WWOX: variants seen among roughly 807,000 people sequenced by gnomAD.
WWOX encodes WW domain containing oxidoreductase, also known as WW domain-containing oxidoreductase.
A neutral mutation model predicts 46.2 loss-of-function variants in WWOX; 69 were observed. The ratio of observed to expected loss-of-function variants is 1.49; its 90% CI spans 1.23 to 1.82. The LOEUF (loss-of-function observed/expected upper bound fraction) is 1.82, where lower values mean the gene tolerates loss of function less well. Among genes scored for constraint, WWOX ranks in the 40% most tolerant of loss-of-function variants. The probability of loss-of-function intolerance (pLI) is 0.00; values close to 1 mark genes in which losing one functional copy is unlikely to be tolerated. For synonymous variants in WWOX, 359 were observed against 202.6 expected, an observed-to-expected ratio of 1.77 and a Z score of -6.56; for missense variants, 919 against 542.6, an observed-to-expected ratio of 1.69 and a Z score of -6.89.
chr16:78,893,284 G>A (rs2044630452), intron 8 of WWOX, among the ~76,000 whole-genome samples: 1 of 152,032 alleles, frequency 6.6e-6, no homozygotes, highest in South Asian at 2.1e-4. Context: ...ACCTCCCAGT[G>A]CCACAGTAAG....
chr16:79,163,242 G>A (rs1269140400), intron 8 of WWOX, among the ~76,000 whole-genome samples: 2 of 152,298 alleles, frequency 1.3e-5, no homozygotes, highest in East Asian at 3.9e-4. Flanking sequence ...TAGTGAGAAA[G>A]AGACCAGAGA....
Position 78,841,882 on chromosome 16 carries a change from T to C in WWOX, c.1057-369726T>C, listed in dbSNP as rs544595008. On this transcript the variant is annotated intron_variant, in intron 8 of 8. Coordinates refer to ENST00000566780, the MANE Select transcript of WWOX (RefSeq NM_016373.4). ...CCTTGGTAAGGGGTTATACAATATT[T>C]CTTTTGAAACGAGGGTCTCGATTAT... Among the ~76,000 whole-genome samples the C allele has an allele frequency of 1.9e-3, 297 of 152,320 alleles. 1 individual carries two copies. Among genetic ancestry groups the C allele is most frequent in the African/African-American group, 7.0e-3 (289 of 41,554 alleles).
intron 8 of WWOX, among the ~76,000 whole-genome samples, chr16:78,621,487 A>G (rs960948223): frequency 8.0e-5 from 12 of 150,000 alleles, no homozygotes; most frequent in African/African-American, 2.7e-4. Flanking sequence ...CTCTACTTAG[A>G]TACACATTTC....
At chr16:78,647,892 G>T (rs1257267030) in intron 8 of WWOX, among the ~76,000 whole-genome samples, 2 of 152,192 alleles carry the variant, frequency 1.3e-5, no homozygotes, top group Admixed American at 1.3e-4. Flanking sequence ...AGTATTTAGA[G>T]GCTTTTATTG....
At chr16:78,910,078 A>G (rs572775941) in intron 8 of WWOX, among the ~76,000 whole-genome samples, 11 of 152,182 alleles carry the variant, frequency 7.2e-5, no homozygotes, top group Middle Eastern at 3.4e-3. Flanking sequence ...TATTATTATC[A>G]TTTTTCATGT....
chr16:78,387,042 T>G, intron 6 of WWOX, 94 bp downstream of exon 6: 1 of 1,338,572 alleles, frequency 7.5e-7, no homozygotes, highest in Middle Eastern at 1.8e-4. Flanking sequence ...AAGGCTGTTG[T>G]GTTGTCTTGG....
chr16:79,035,364 A>G (rs2047845314), intron 8 of WWOX, among the ~76,000 whole-genome samples: 1 of 152,184 alleles, frequency 6.6e-6, no homozygotes, highest in Non-Finnish European at 1.5e-5. Flanking sequence ...TGTACCAAGA[A>G]CAAAAGGCCA....
chr16:79,202,582 G>C (rs568265295), intron 8 of WWOX: 1 of 152,362 alleles, frequency 6.6e-6, no homozygotes, highest in East Asian at 1.9e-4. Context: ...TGGGGCACTC[G>C]ATTCCGGCAA....
At chr16:78,896,781 A>C (rs1329445786) in intron 8 of WWOX, 1 of 152,124 alleles carries the variant, frequency 6.6e-6, no homozygotes, top group African/African-American at 2.4e-5. Context: ...GAGAGAGAGA[A>C]AATGTATATG....
intron 8 of WWOX, among the ~76,000 whole-genome samples, chr16:78,741,626 G>A (rs1328604404): frequency 1.3e-5 from 2 of 152,110 alleles, no homozygotes. Flanking sequence ...AGGCTGAGGT[G>A]GGTGGATCAC....
At chr16:79,104,034 T>G (rs2049255751) in intron 8 of WWOX, among the ~76,000 whole-genome samples, 1 of 8,078 alleles carries the variant, frequency 1.2e-4, no homozygotes, top group Non-Finnish European at 2.6e-4. Flanking sequence ...TGGTGCCCTT[T>G]TTTGGGGGGG....
intron 8 of WWOX, among the ~76,000 whole-genome samples, chr16:78,598,831 C>A (rs1035336344): frequency 8.5e-5 from 13 of 152,118 alleles, no homozygotes; most frequent in African/African-American, 3.1e-4. Flanking sequence ...TCTTCATTGT[C>A]CCCTTCATAC....
chr16:78,230,017 C>G (rs2037200383), intron 5 of WWOX, among the ~76,000 whole-genome samples: 1 of 152,008 alleles, frequency 6.6e-6, no homozygotes, highest in Non-Finnish European at 1.5e-5. Context: ...GTAGCTGGGA[C>G]TACAGGTGCA....
intron 8 of WWOX, among the ~76,000 whole-genome samples, chr16:79,112,184 C>T (rs2049429457): frequency 2.0e-5 from 3 of 152,110 alleles, no homozygotes; most frequent in Admixed American, 2.0e-4. Context: ...ATTAATTCTT[C>T]TTTCTTTGTA....
intron 4 of WWOX, among the ~76,000 whole-genome samples, chr16:78,152,142 A>G (rs1017812795): frequency 2.6e-5 from 4 of 151,782 alleles, no homozygotes; most frequent in African/African-American, 9.7e-5. Flanking sequence ...GTGAGCCGAG[A>G]TCGCGCCACT....
chr16:79,004,376 G>C (rs2047152323), intron 8 of WWOX: 1 of 152,188 alleles, frequency 6.6e-6, no homozygotes, highest in Admixed American at 6.5e-5. Flanking sequence ...AGGAGGACTT[G>C]GATATTTCTC....
intron 8 of WWOX, among the ~76,000 whole-genome samples, chr16:79,026,282 C>G (rs2047640120): frequency 1.3e-5 from 2 of 151,764 alleles, no homozygotes; most frequent in Admixed American, 1.3e-4. Flanking sequence ...ACTCCTAACT[C>G]CTGCCTGCCA....
intron 5 of WWOX, among the ~76,000 whole-genome samples, chr16:78,312,286 AG>A (rs1238540055): frequency 6.6e-6 from 1 of 151,582 alleles, no homozygotes; most frequent in African/African-American, 2.4e-5. Context: ...TATCTTTTGT[AG>A]GGGGTAATTT....
chr16:78,487,220 T>C (rs968154179), intron 8 of WWOX, among the ~76,000 whole-genome samples: 1 of 152,190 alleles, frequency 6.6e-6, no homozygotes, highest in Non-Finnish European at 1.5e-5. Flanking sequence ...TTTTTCCCTT[T>C]TCTTTTTTTT....
Sources: allele counts gnomAD v4.1 joint callset (sites outside exome capture counted in the v4.1 genomes callset), GRCh38; gene constraint gnomAD v4.1.1; transcripts MANE v1.5; gene names NCBI Gene and HGNC (gene_info 2026-07-23, HGNC 2026-07-21).